XYLT1: variants seen among roughly 807,000 people sequenced by gnomAD.
XYLT1 encodes beta-D-xylosyltransferase 1.
XYLT1 carries 36 observed loss-of-function variants against 91.3 expected under a neutral mutation model. That is an observed-to-expected ratio of 0.39 (90% CI 0.30 to 0.52). XYLT1 has a LOEUF of 0.52. Among genes scored for constraint, XYLT1 ranks in the 20% least tolerant of loss-of-function variants. The pLI, the probability that XYLT1 is intolerant of heterozygous loss-of-function variation, is 0.68. For synonymous variants in XYLT1, 588 were observed against 532.0 expected (o/e 1.11, Z -1.45); for missense variants, 1,242 against 1,284.5 (o/e 0.97, Z 0.51).
At chr16:17,190,210 G>A (rs189827959) in intron 5 of XYLT1, among the ~76,000 whole-genome samples, 15 of 152,264 alleles carry the variant, frequency 9.9e-5, no homozygotes, top group East Asian at 7.7e-4. Context: ...ATTAGAGAGC[G>A]TACGGTTGCC....
intron 2 of XYLT1, among the ~76,000 whole-genome samples, chr16:17,326,470 T>C (rs963554354): frequency 3.3e-5 from 5 of 152,250 alleles, no homozygotes; most frequent in East Asian, 1.9e-4. Flanking sequence ...TATTCCATGC[T>C]CTTAGTCCAT....
intron 2 of XYLT1, chr16:17,338,086 G>A (rs2035012753): frequency 2.4e-6 from 1 of 415,888 alleles, no homozygotes; most frequent in Non-Finnish European, 4.9e-6. Context: ...ACATTTTAAT[G>A]GCCCTCAAAT....
intron 2 of XYLT1, among the ~76,000 whole-genome samples, chr16:17,297,072 C>T (rs201640752): frequency 2.0e-5 from 3 of 152,250 alleles, no homozygotes; most frequent in African/African-American, 4.8e-5. Flanking sequence ...TTATGTTTAT[C>T]GAATTCTCCT....
intron 2 of XYLT1, among the ~76,000 whole-genome samples, chr16:17,325,900 T>C (rs1312742420): frequency 6.6e-6 from 1 of 152,228 alleles, no homozygotes; most frequent in Non-Finnish European, 1.5e-5. Context: ...GGAAGCATCA[T>C]GTCTATGCAG....
chr16:17,243,899 T>A (rs942767936), intron 3 of XYLT1, among the ~76,000 whole-genome samples: 6 of 152,148 alleles, frequency 3.9e-5, no homozygotes, highest in African/African-American at 1.4e-4. Context: ...GAGAAGCAGA[T>A]GCCCAGGTCT....
intron 1 of XYLT1, among the ~76,000 whole-genome samples, chr16:17,434,431 A>G (rs1048910642): frequency 1.3e-5 from 2 of 152,266 alleles, no homozygotes; most frequent in Admixed American, 6.5e-5. Context: ...TAAGTATGCA[A>G]TGATGAAGAT....
In XYLT1 at chr16:17,127,876, G is replaced by GC. The variant is rs1305415028; in HGVS notation, c.2028-16dup. The GC allele has an allele frequency of 1.9e-6, 3 of 1,609,998 alleles. No individual in the cohort carries two copies. The African/African-American group carries it at 4.0e-5, about 22-fold the overall frequency. ...TTGGGTAGTATCTGAAAACACAGGC[G>GC]CTCATGCATTAGGGCCCAAGGTGTG... On this transcript the variant is annotated splice_polypyrimidine_tract_variant and intron_variant, in intron 9 of 11. Coordinates refer to ENST00000261381, the MANE Select transcript of XYLT1 (RefSeq NM_022166.4).
chr16:17,362,038 G>A lies in XYLT1; in HGVS notation c.364-3988C>T, dbSNP rs113382152. ...GACCAGAGAGACTGGTAACCTGTCC[G>A]AGTCACACAGATGCTGTTGAAAGCC... On this transcript the variant is annotated intron_variant, in intron 1 of 11. Coordinates refer to ENST00000261381, the MANE Select transcript of XYLT1 (RefSeq NM_022166.4). 5.4e-3 allele frequency among the ~76,000 whole-genome samples: 823 copies of A among 152,278 alleles called. 10 individuals carry two copies. Among genetic ancestry groups the A allele is most frequent in the African/African-American group, 0.019 (783 of 41,548 alleles).
At chr16:17,171,976 A>G (rs751235337) in intron 5 of XYLT1, among the ~76,000 whole-genome samples, 7 of 152,200 alleles carry the variant, frequency 4.6e-5, no homozygotes, top group Non-Finnish European at 1.0e-4. Flanking sequence ...TAACTGCCCA[A>G]TCTTGGGCAG....
intron 1 of XYLT1, chr16:17,369,641 G>A (rs2035503284): frequency 6.6e-6 from 1 of 152,332 alleles, no homozygotes; most frequent in Admixed American, 6.5e-5. Context: ...CTTCACAGCA[G>A]AAACAGAAAA....
chr16:17,130,519 CTAGAG>C (rs2030428895), intron 9 of XYLT1, among the ~76,000 whole-genome samples: 2 of 152,130 alleles, frequency 1.3e-5, no homozygotes, highest in African/African-American at 4.8e-5. Flanking sequence ...GTCACCCAGG[CTAGAG>C]TGCAGTGTCG....
At chr16:17,148,005 G>A (rs1370856731) in intron 6 of XYLT1, among the ~76,000 whole-genome samples, 1 of 152,206 alleles carries the variant, frequency 6.6e-6, no homozygotes, top group Non-Finnish European at 1.5e-5. Flanking sequence ...GGGGCAACAG[G>A]TGACACTACA....
chr16:17,184,069 C>T (rs973990762), intron 5 of XYLT1, among the ~76,000 whole-genome samples: 1 of 152,066 alleles, frequency 6.6e-6, no homozygotes, highest in African/African-American at 2.4e-5. Context: ...TAAAGACCAC[C>T]CACATTGTAG....
intron 1 of XYLT1, among the ~76,000 whole-genome samples, chr16:17,466,257 TAG>T (rs2036895334): frequency 6.6e-6 from 1 of 152,298 alleles, no homozygotes; most frequent in East Asian, 1.9e-4. Context: ...GGTCAAAAGA[TAG>T]AGACTCTCAA....
At chr16:17,392,432 C>A (rs1453312765) in intron 1 of XYLT1, among the ~76,000 whole-genome samples, 2 of 152,150 alleles carry the variant, frequency 1.3e-5, no homozygotes, top group African/African-American at 2.4e-5. Flanking sequence ...CTATTTTAAT[C>A]CCATGTATAA....
chr16:17,305,486 G>A (rs1472340824), intron 2 of XYLT1, among the ~76,000 whole-genome samples: 1 of 150,348 alleles, frequency 6.7e-6, no homozygotes, highest in Non-Finnish European at 1.5e-5. Flanking sequence ...TGCGATCTCG[G>A]CTCACTGAAA....
intron 1 of XYLT1, chr16:17,446,002 C>T (rs2036586543): frequency 6.6e-6 from 1 of 152,250 alleles, no homozygotes; most frequent in South Asian, 2.1e-4. Context: ...GAAACTCAGG[C>T]TCGGGCCACG....
intron 2 of XYLT1, among the ~76,000 whole-genome samples, chr16:17,345,537 T>C (rs1254282734): frequency 6.6e-6 from 1 of 152,210 alleles, no homozygotes. Flanking sequence ...GCAGCTTGCA[T>C]TCACAAGTGA....
chr16:17,402,738 CTTTTCTTTTTTTT>C (rs952429771), intron 1 of XYLT1, among the ~76,000 whole-genome samples: 4 of 132,726 alleles, frequency 3.0e-5, no homozygotes, highest in African/African-American at 1.3e-4. Flanking sequence ...CCTTTTTTTT[CTTTTCTTTTTTTT>C]TTTTTTTAAG....
Sources: gnomAD v4.1 joint callset for allele counts (sites outside exome capture counted in the v4.1 genomes callset) on GRCh38, gnomAD v4.1.1 for gene constraint, MANE v1.5 for transcripts, NCBI Gene and HGNC (gene_info 2026-07-23, HGNC 2026-07-21) for gene names.